Variants in NAPEPLD observed in about 807,000 individuals in gnomAD.
NAPEPLD encodes N-acyl-phosphatidylethanolamine-hydrolyzing phospholipase D.
In NAPEPLD, 23 loss-of-function variants were observed where a neutral mutation model predicts 38.1. That is an observed-to-expected ratio of 0.60 (90% CI 0.43 to 0.86). The LOEUF is 0.86. Among genes scored for constraint, NAPEPLD ranks in the 40% least tolerant of loss-of-function variants. NAPEPLD has a pLI of 0.00. For synonymous variants in NAPEPLD, 147 were observed against 162.0 expected (o/e 0.91, Z 0.71); for missense variants, 411 against 476.8 (o/e 0.86, Z 1.28).
At chr7:103,121,504 T>A (rs1279292969) in intron 2 of NAPEPLD, among the ~76,000 whole-genome samples, 1 of 152,158 alleles carries the variant, frequency 6.6e-6, no homozygotes, top group Non-Finnish European at 1.5e-5. Flanking sequence ...GAAAAATTCT[T>A]CTCCAGAGCA....
intron 4 of NAPEPLD, among the ~76,000 whole-genome samples, chr7:103,107,581 CAGTA>C (rs771029684): frequency 2.0e-5 from 3 of 151,876 alleles, no homozygotes; most frequent in Non-Finnish European, 4.4e-5. Context: ...CTGAAAAACA[CAGTA>C]AGAGAACTTC....
At chr7:103,116,444 T>G (rs1243928622) in intron 3 of NAPEPLD, among the ~76,000 whole-genome samples, 1 of 152,184 alleles carries the variant, frequency 6.6e-6, no homozygotes, top group East Asian at 1.9e-4. Context: ...TTTACAGTCC[T>G]GGATATGTAT....
At chr7:103,142,085 G>A (rs1243368145) in intron 1 of NAPEPLD, 2 of 577,478 alleles carry the variant, frequency 3.5e-6, no homozygotes, top group Admixed American at 3.0e-5. Flanking sequence ...ATACAGGCAG[G>A]GTTGAGAACC....
At chr7:103,137,711 G>A (rs910943661) in intron 1 of NAPEPLD, among the ~76,000 whole-genome samples, 4 of 151,780 alleles carry the variant, frequency 2.6e-5, no homozygotes, top group Admixed American at 6.6e-5. Context: ...AGCTACTCAG[G>A]AGGCTGAGGT....
At chr7:103,118,531 A>C (rs1455017169) in intron 3 of NAPEPLD, among the ~76,000 whole-genome samples, 3 of 152,344 alleles carry the variant, frequency 2.0e-5, no homozygotes, top group Non-Finnish European at 2.9e-5. Flanking sequence ...AATCAGATGA[A>C]AACAAAAGTT....
At chr7:103,144,167 A>T (rs1812077571) in intron 1 of NAPEPLD, among the ~76,000 whole-genome samples, 1 of 152,248 alleles carries the variant, frequency 6.6e-6, no homozygotes, top group Admixed American at 6.5e-5. Flanking sequence ...TGCTCTTTCC[A>T]CTAATCATGT....
intron 4 of NAPEPLD, among the ~76,000 whole-genome samples, chr7:103,110,205 C>T (rs1032227026): frequency 6.6e-6 from 1 of 152,180 alleles, no homozygotes; most frequent in African/African-American, 2.4e-5. Flanking sequence ...GGGAATCCTC[C>T]CTAACTCGTT....
intron 2 of NAPEPLD, among the ~76,000 whole-genome samples, chr7:103,121,439 A>C (rs1179999676): frequency 6.6e-6 from 1 of 152,080 alleles, no homozygotes; most frequent in Non-Finnish European, 1.5e-5. Context: ...CAGACTTGGT[A>C]CCACCTCCAC....
In NAPEPLD at chr7:103,113,633, TTTTTTTTTTTTTC is replaced by T. The variant is rs1465198876; in HGVS notation, c.1056+1414_1056+1426del. The stretch of plus-strand genomic sequence containing the variant: ...TTTTAAGACAGAGTCTCACTTTTTT[TTTTTTTTTTTTTC>T]TCAAGACAGAGTTTCGCTCTTTCAC... On this transcript the variant is annotated intron_variant, in intron 4 of 4. Coordinates refer to ENST00000465647, the MANE Select transcript of NAPEPLD (RefSeq NM_001122838.3). 9.6e-3 allele frequency among the ~76,000 whole-genome samples: 252 copies of T among 26,332 alleles called. No individual in the cohort carries two copies. The East Asian group carries it at 0.19, about 19-fold the overall frequency. 17.3% of individuals were successfully genotyped at this position (26,332 alleles called of 152,430 possible).
chr7:103,125,890 AAATAATAAT>A (rs142799732), intron 2 of NAPEPLD, among the ~76,000 whole-genome samples: 51 of 145,356 alleles, frequency 3.5e-4, no homozygotes, highest in Non-Finnish European at 4.7e-4. Context: ...TCTGTCTCAA[AAATAATAAT>A]AATAATAATA....
chr7:103,103,587 G>T (rs1036331103), intron 4 of NAPEPLD, 33 bp from the exon 5 acceptor site: 6 of 1,559,794 alleles, frequency 3.8e-6, no homozygotes, highest in Non-Finnish European at 1.7e-6. Context: ...AATAGAAAAA[G>T]ATTAAACATA....
intron 1 of NAPEPLD, among the ~76,000 whole-genome samples, chr7:103,145,069 T>C (rs1424980901): frequency 7.9e-5 from 12 of 152,080 alleles, no homozygotes; most frequent in African/African-American, 2.7e-4. Flanking sequence ...ACCTGGAGGG[T>C]TGATCATTCT....
chr7:103,105,906 C>A (rs1803219929), intron 4 of NAPEPLD, among the ~76,000 whole-genome samples: 1 of 137,140 alleles, frequency 7.3e-6, no homozygotes, highest in African/African-American at 2.8e-5. Flanking sequence ...GCACTCCAGC[C>A]TGAGCAACAG....
intron 1 of NAPEPLD, among the ~76,000 whole-genome samples, chr7:103,130,596 T>C (rs1808730925): frequency 6.6e-6 from 1 of 152,054 alleles, no homozygotes; most frequent in Admixed American, 6.5e-5. Context: ...CTAAATTGTT[T>C]ATTTTTTTTT....
At chr7:103,136,528 G>A (rs1810106619) in intron 1 of NAPEPLD, among the ~76,000 whole-genome samples, 2 of 149,610 alleles carry the variant, frequency 1.3e-5, no homozygotes, top group South Asian at 4.2e-4. Flanking sequence ...AGAGGTTGCA[G>A]TGAGCCAAGA....
rs547091724 is a variant in NAPEPLD at position 103,132,098 on chromosome 7, AC to A, written c.-16-3307del. ...GAAAATGATGTACTTAGGGAAGACAACTCTGATAGCAGGATTAAAAAGAAAG... is the reference window on the plus strand; with the variant it reads ...GAAAATGATGTACTTAGGGAAGACAATCTGATAGCAGGATTAAAAAGAAAG... On this transcript the variant is annotated intron_variant, in intron 1 of 4. Transcript: ENST00000465647. Among the ~76,000 whole-genome samples the A allele has an allele frequency of 5.2e-3, 786 of 152,278 alleles. 4 individuals carry two copies. Among genetic ancestry groups the A allele is most frequent in the Middle Eastern group, 0.014 (4 of 294 alleles).
chr7:103,109,987 T>A (rs933054627), intron 4 of NAPEPLD, among the ~76,000 whole-genome samples: 3 of 152,202 alleles, frequency 2.0e-5, no homozygotes, highest in African/African-American at 7.2e-5. Flanking sequence ...GATAAATTCC[T>A]GGACACATAC....
chr7:103,130,134 G>A (rs1446774751), intron 1 of NAPEPLD, among the ~76,000 whole-genome samples: 1 of 152,208 alleles, frequency 6.6e-6, no homozygotes, highest in Non-Finnish European at 1.5e-5. Context: ...AAGGAAATGA[G>A]CACAGTAACA....
intron 1 of NAPEPLD, among the ~76,000 whole-genome samples, chr7:103,138,218 C>T (rs1045012302): frequency 2.6e-5 from 4 of 152,014 alleles, no homozygotes; most frequent in African/African-American, 9.7e-5. Flanking sequence ...TGTTCATTTA[C>T]TGTTCCTGAG....
Sources: gnomAD v4.1 joint callset for allele counts (sites outside exome capture counted in the v4.1 genomes callset) on GRCh38, gnomAD v4.1.1 for gene constraint, MANE v1.5 for transcripts, NCBI Gene and HGNC (gene_info 2026-07-23, HGNC 2026-07-21) for gene names.